The following PRH1 variants were observed in gnomAD, a reference collection of about 807,000 sequenced individuals.
PRH1 encodes proline rich protein HaeIII subfamily 1, also known as salivary acidic proline-rich phosphoprotein 1/2.
A neutral mutation model predicts 7.9 loss-of-function variants in PRH1; 7 were observed. The observed-to-expected ratio is 0.89, with a 90% confidence interval of 0.50 to 1.67. The LOEUF (loss-of-function observed/expected upper bound fraction) is 1.67, where lower values mean the gene tolerates loss of function less well. Among genes scored for constraint, PRH1 ranks in the 40% most tolerant of loss-of-function variants. PRH1 has a pLI of 0.00. For synonymous variants in PRH1, 45 were observed against 80.8 expected, an observed-to-expected ratio of 0.56 and a Z score of 2.38; for missense variants, 109 against 223.6, an observed-to-expected ratio of 0.49 and a Z score of 3.27.
At chr12:10,926,931 A>G (rs1425952421) in intron 2 of PRH1, among the ~76,000 whole-genome samples, 6 of 152,116 alleles carry the variant, frequency 3.9e-5, no homozygotes, top group Admixed American at 3.3e-4. Context: ...GACGGCTGCC[A>G]CCCACTCTAG....
chr12:11,078,918 C>T (rs1944404849), intron 1 of PRH1: 1 of 152,054 alleles, frequency 6.6e-6, no homozygotes, highest in Non-Finnish European at 1.5e-5. Context: ...CACATAGACA[C>T]ACATGCACTC....
At chr12:11,076,329 A>C (rs1591962791) in intron 1 of PRH1, among the ~76,000 whole-genome samples, 1 of 101,334 alleles carries the variant, frequency 9.9e-6, no homozygotes, top group East Asian at 2.4e-4. Flanking sequence ...TATAGATTTC[A>C]CAGATAATTT....
intron 2 of PRH1, among the ~76,000 whole-genome samples, chr12:10,914,799 A>C (rs1442697479): frequency 6.6e-6 from 1 of 152,228 alleles, no homozygotes; most frequent in Non-Finnish European, 1.5e-5. Flanking sequence ...ACTGCTTCTC[A>C]ACACTGAATA....
At chr12:11,138,396 C>T (rs1946615556) in intron 1 of PRH1, among the ~76,000 whole-genome samples, 1 of 152,112 alleles carries the variant, frequency 6.6e-6, no homozygotes, top group South Asian at 2.1e-4. Flanking sequence ...GATTTTTCTT[C>T]TCTAATGCAG....
chr12:11,122,770 T>A (rs1245943583), intron 1 of PRH1, among the ~76,000 whole-genome samples: 2 of 152,154 alleles, frequency 1.3e-5, no homozygotes, highest in Non-Finnish European at 2.9e-5. Flanking sequence ...TCATGGAAAA[T>A]TTCTCCTAAT....
At chr12:11,060,967 A>T (rs1943573187) in intron 1 of PRH1, among the ~76,000 whole-genome samples, 1 of 152,274 alleles carries the variant, frequency 6.6e-6, no homozygotes, top group African/African-American at 2.4e-5. Flanking sequence ...AGAAAACAGC[A>T]ATGTCTTTCC....
At chr12:11,118,255 T>C (rs1430908010), downstream of PRH1, among the ~76,000 whole-genome samples, 3 of 151,986 alleles carry the variant, frequency 2.0e-5, no homozygotes, top group Non-Finnish European at 2.9e-5. Context: ...AAAAAATGGG[T>C]GAAATATTTG....
chr12:10,908,809 TTG>T, intron 2 of PRH1: 1 of 1,613,956 alleles, frequency 6.2e-7, no homozygotes, highest in Non-Finnish European at 8.5e-7. Flanking sequence ...AAATTCCAAG[TTG>T]TGTTTCTTTC....
chr12:11,092,300 C>T lies in PRH1; in HGVS notation n.124-45112G>A, dbSNP rs1217522838. On this transcript the variant is annotated intron_variant and non_coding_transcript_variant, in intron 1 of 4. Transcript: ENST00000541977. The stretch of plus-strand genomic sequence containing the variant: ...CGGAATTGGTTCCTGCAGGTGGGTT[C>T]GTGGTCTCGCTGACTTCAAAAGGGA... The T allele has an allele frequency of 1.9e-5, 20 of 1,027,822 alleles. 1 individual carries two copies. The highest frequency in any genetic ancestry group is 1.6e-4 in the South Asian group (12 of 74,546). The allele number at this position is 1,027,822 out of a possible 1,614,324, so 63.7% of individuals were successfully genotyped here. A position where few individuals can be genotyped will look rare whatever the true frequency, so the allele number is the denominator to read the frequency against.
chr12:10,898,027 A>G (rs1949673615), intron 2 of PRH1, among the ~76,000 whole-genome samples: 1 of 152,204 alleles, frequency 6.6e-6, no homozygotes, highest in Admixed American at 6.5e-5. Context: ...GTCATTTCTA[A>G]TTTCCATGTC....
At chr12:11,045,310 T>C (rs1942863858) in intron 1 of PRH1, among the ~76,000 whole-genome samples, 1 of 100,996 alleles carries the variant, frequency 9.9e-6, no homozygotes, top group Non-Finnish European at 2.1e-5. Context: ...GGCTGGTTAA[T>C]GGTTACCAAA....
intron 1 of PRH1, among the ~76,000 whole-genome samples, chr12:11,071,580 G>T (rs1417404110): frequency 7.2e-5 from 11 of 152,208 alleles, no homozygotes; most frequent in Admixed American, 7.2e-4. Context: ...AGGCAGGATT[G>T]CTCTCCTGGG....
At chr12:11,088,169 T>C (rs1199979063) in intron 1 of PRH1, among the ~76,000 whole-genome samples, 2 of 130,254 alleles carry the variant, frequency 1.5e-5, no homozygotes, top group Admixed American at 7.8e-5. Context: ...GGTGAAATCC[T>C]AGCCCTACAG....
chr12:11,078,269 TGCAGTCTTA>T, intron 1 of PRH1: 1 of 313,456 alleles, frequency 3.2e-6, no homozygotes, highest in Non-Finnish European at 6.4e-6. Context: ...AGAAAAAAAT[TGCAGTCTTA>T]ATAACACTGG....
chr12:11,096,884 G>C (rs1945082026), intron 1 of PRH1, among the ~76,000 whole-genome samples: 1 of 113,906 alleles, frequency 8.8e-6, no homozygotes, highest in African/African-American at 3.0e-5. Flanking sequence ...TGCAAGCTCT[G>C]TCCCCGGGGT....
intron 2 of PRH1, chr12:10,931,223 G>C: frequency 6.7e-7 from 1 of 1,489,212 alleles, no homozygotes. Flanking sequence ...AATATTCTGG[G>C]ATAAGGTAGC....
chr12:10,893,871 T>C (rs1238046588), intron 2 of PRH1, among the ~76,000 whole-genome samples: 1 of 152,162 alleles, frequency 6.6e-6, no homozygotes, highest in East Asian at 1.9e-4. Flanking sequence ...TTATTTCATT[T>C]TAAATATTTA....
At chr12:10,899,238 G>A (rs891824711) in intron 2 of PRH1, among the ~76,000 whole-genome samples, 8 of 151,968 alleles carry the variant, frequency 5.3e-5, no homozygotes, top group East Asian at 1.9e-4. Flanking sequence ...ATGCAGCAAC[G>A]TGTTAAGAAT....
chr12:10,917,449 A>G (rs1565470066), intron 2 of PRH1, among the ~76,000 whole-genome samples: 1 of 152,086 alleles, frequency 6.6e-6, no homozygotes, highest in African/African-American at 2.4e-5. Flanking sequence ...CTTCTGTAGG[A>G]TCATGTCATA....
Sources: gnomAD v4.1 joint callset for allele counts (sites outside exome capture counted in the v4.1 genomes callset) on GRCh38, gnomAD v4.1.1 for gene constraint, MANE v1.5 for transcripts, NCBI Gene and HGNC (gene_info 2026-07-23, HGNC 2026-07-21) for gene names.